SLCO2A1: variants seen among roughly 807,000 people sequenced by gnomAD.
SLCO2A1 encodes solute carrier organic anion transporter family member 2A1, also known as matrin F/G 1.
A neutral mutation model predicts 71.7 loss-of-function variants in SLCO2A1; 60 were observed. That is an observed-to-expected ratio of 0.84 (90% CI 0.68 to 1.04). SLCO2A1 has a LOEUF of 1.04. Among genes scored for constraint, SLCO2A1 ranks in the 50% least tolerant of loss-of-function variants. The probability of loss-of-function intolerance (pLI) is 0.00; values close to 1 mark genes in which losing one functional copy is unlikely to be tolerated. For missense variants in SLCO2A1, 745 were observed against 813.4 expected, an observed-to-expected ratio of 0.92 and a Z score of 1.02; for synonymous variants, 308 against 326.7, an observed-to-expected ratio of 0.94 and a Z score of 0.62.
chr3:133,980,332 T>C (rs1559944327), intron 1 of SLCO2A1, among the ~76,000 whole-genome samples: 1 of 152,114 alleles, frequency 6.6e-6, no homozygotes, highest in Non-Finnish European at 1.5e-5. Flanking sequence ...CATTTATCTC[T>C]GTATCTCACC....
Position 133,934,800 on chromosome 3 carries a change from C to T in SLCO2A1, c.1845G>A (p.Ala615=), listed in dbSNP as rs748877837. 1.4e-5 allele frequency: 22 copies of T among 1,611,960 alleles called. No individual in the cohort carries two copies. The highest frequency in any genetic ancestry group is 1.3e-4 in the South Asian group (12 of 91,058). The change falls in exon 14 of 14, where the codon GCG becomes GCA. Residue 615 remains alanine, a synonymous_variant. Coordinates refer to ENST00000310926, the MANE Select transcript of SLCO2A1 (RefSeq NM_005630.3). ...TGAAGCAAAGCAGCAGCATGCCCAGCGCCTTGTAGCCCATCTGCAGGCCCA... is the reference window on the plus strand; with the variant it reads ...TGAAGCAAAGCAGCAGCATGCCCAGTGCCTTGTAGCCCATCTGCAGGCCCA... ...RYLGLQMGYK[A]LGMLLLCFIS... is the part of the protein sequence containing the mutation.
chr3:134,018,962 T>A (rs1005579681), intron 1 of SLCO2A1, among the ~76,000 whole-genome samples: 2 of 152,036 alleles, frequency 1.3e-5, no homozygotes, highest in South Asian at 2.1e-4. Context: ...ATTCTGGAGA[T>A]GAGAGTTATG....
chr3:133,945,119 C>T lies in SLCO2A1; in HGVS notation c.1437G>A (p.Met479Ile), dbSNP rs762834971. Reference protein sequence around the residue: ...PCHAGCSNINMSSATSKQLIY... With the variant: ...PCHAGCSNINISSATSKQLIY... ...CCAGTTGCTTGGAGGTTGCAGAGCT[C>T]ATGTTGATGTTGCTGCAGCCGGCAT... The change falls in exon 10 of 14, where the codon ATG becomes ATA. Residue 479 changes from methionine (M) to isoleucine (I), a missense_variant. Physicochemically the swap from Met to Ile is conservative, Grantham distance 10 (BLOSUM62 1). Transcript: ENST00000310926. The T allele has an allele frequency of 6.2e-7, 1 of 1,613,664 alleles. No individual in the cohort carries two copies. Among genetic ancestry groups the T allele is most frequent in the Non-Finnish European group, 8.5e-7 (1 of 1,179,764 alleles).
intron 4 of SLCO2A1, 48 bp downstream of exon 4, chr3:133,954,918 A>G: frequency 2.0e-6 from 3 of 1,503,932 alleles, no homozygotes; most frequent in East Asian, 4.5e-5. Flanking sequence ...CAAGTGCTAC[A>G]TCAGGACCTC....
At position 133,941,476 on chromosome 3, in the gene SLCO2A1, A is replaced by T. The variant is rs141011729; in HGVS notation, c.1625+1129T>A. 8.0e-3 allele frequency among the ~76,000 whole-genome samples: 1,214 copies of T among 152,142 alleles called. 5 individuals carry two copies. The highest frequency in any genetic ancestry group is 0.01 in the Non-Finnish European group (694 of 68,016). Reference sequence around the variant, plus strand: ...AGTATGTGGCAGAGCAGGGACTTTAATCCTGGCACCGGGAGTCCAAATCCT... The same window carrying T: ...AGTATGTGGCAGAGCAGGGACTTTATTCCTGGCACCGGGAGTCCAAATCCT... On this transcript the variant is annotated intron_variant, in intron 11 of 13. Transcript: ENST00000310926.
chr3:134,025,132 T>C (rs892015165), intron 1 of SLCO2A1, among the ~76,000 whole-genome samples: 2 of 152,202 alleles, frequency 1.3e-5, no homozygotes, highest in Admixed American at 6.5e-5. Context: ...GGACTCATTT[T>C]CCTTAAAATT....
chr3:134,027,866 G>A (rs575617435), intron 1 of SLCO2A1, among the ~76,000 whole-genome samples: 5 of 152,226 alleles, frequency 3.3e-5, no homozygotes, highest in Non-Finnish European at 7.3e-5. Flanking sequence ...AGGCTGATAA[G>A]TGGAGTTAAA....
At chr3:133,935,247 C>G (rs1050351468) in intron 13 of SLCO2A1, among the ~76,000 whole-genome samples, 6 of 152,230 alleles carry the variant, frequency 3.9e-5, no homozygotes, top group Admixed American at 3.9e-4. Context: ...CTCAAGCCCA[C>G]CTTCCTGTGG....
intron 3 of SLCO2A1, among the ~76,000 whole-genome samples, chr3:133,957,466 G>T (rs902503425): frequency 6.6e-6 from 1 of 152,292 alleles, no homozygotes; most frequent in East Asian, 1.9e-4. Context: ...TAGCTGGTTT[G>T]GGGGTAGAGC....
chr3:134,019,117 C>A (rs967676934), intron 1 of SLCO2A1, among the ~76,000 whole-genome samples: 1 of 152,162 alleles, frequency 6.6e-6, no homozygotes, highest in African/African-American at 2.4e-5. Flanking sequence ...CCCTGCTAAA[C>A]CAGTGTTAAA....
At chr3:133,988,795 C>A (rs536718184) in intron 1 of SLCO2A1, among the ~76,000 whole-genome samples, 5 of 152,310 alleles carry the variant, frequency 3.3e-5, no homozygotes, top group Admixed American at 3.3e-4. Flanking sequence ...GCTCTCTAGG[C>A]CGAGCTGACT....
At chr3:133,950,954 A>G (rs1208453139) in intron 6 of SLCO2A1, 4 of 482,042 alleles carry the variant, frequency 8.3e-6, no homozygotes, top group South Asian at 2.1e-5. Context: ...GTGTTTCCCA[A>G]ACTGTTCCCT....
In SLCO2A1 at chr3:133,997,694, C is replaced by T. The variant is rs1273383324; in HGVS notation, c.97-18076G>A. ...GAGTCTCCAGAACTGTGAGAGAATA[C>T]ATCTCTGTTGTTTTAAGCCACCAAG... On this transcript the variant is annotated intron_variant, in intron 1 of 13. Transcript: ENST00000310926. Among the ~76,000 whole-genome samples, 6 of 152,194 alleles carry T rather than the reference C, an allele frequency of 3.9e-5. No individual in the cohort carries two copies. The East Asian group carries it at 1.2e-3, about 29-fold the overall frequency.
At chr3:133,947,591 T>G in intron 8 of SLCO2A1, 146 bp from the exon 9 acceptor site, 1 of 674,274 alleles carries the variant, frequency 1.5e-6, no homozygotes, top group South Asian at 2.2e-5. Flanking sequence ...GTAGCTGACA[T>G]TAATTGAGCA....
chr3:133,938,320 C>T (rs768567806), intron 12 of SLCO2A1, 109 bp downstream of exon 12: 21 of 955,352 alleles, frequency 2.2e-5, no homozygotes, highest in Non-Finnish European at 3.1e-5. Context: ...AGCTTCTCTT[C>T]GCCATGGAGA....
At chr3:133,969,378 C>T (rs1181094315) in intron 3 of SLCO2A1, among the ~76,000 whole-genome samples, 7 of 152,074 alleles carry the variant, frequency 4.6e-5, no homozygotes, top group East Asian at 1.9e-4. Flanking sequence ...TGCAGTGAGC[C>T]GAGATCGCAC....
chr3:133,947,055 A>C (rs2108041399), intron 9 of SLCO2A1, among the ~76,000 whole-genome samples: 1 of 151,910 alleles, frequency 6.6e-6, no homozygotes, highest in African/African-American at 2.4e-5. Context: ...AATCACTTGA[A>C]CCTGGGAGGT....
At chr3:133,946,434 A>G (rs1374639560) in intron 9 of SLCO2A1, among the ~76,000 whole-genome samples, 3 of 152,144 alleles carry the variant, frequency 2.0e-5, no homozygotes, top group Admixed American at 1.3e-4. Context: ...GCCAAAGTTA[A>G]CACTGTGACC....
chr3:133,944,634 T>G (rs555623892), intron 10 of SLCO2A1, among the ~76,000 whole-genome samples: 1 of 152,330 alleles, frequency 6.6e-6, no homozygotes, highest in South Asian at 2.1e-4. Flanking sequence ...TGGCCACACC[T>G]GGGAGCTGAG....
Sources: allele counts gnomAD v4.1 joint callset (sites outside exome capture counted in the v4.1 genomes callset), GRCh38; gene constraint gnomAD v4.1.1; transcripts MANE v1.5; gene names NCBI Gene and HGNC (gene_info 2026-07-23, HGNC 2026-07-21).